Variants in PTPRE observed in about 807,000 individuals in gnomAD.
PTPRE encodes the protein protein tyrosine phosphatase receptor type E.
A neutral mutation model predicts 102.0 loss-of-function variants in PTPRE; 51 were observed. The observed-to-expected ratio is 0.50, with a 90% CI of 0.40 to 0.63. PTPRE has a LOEUF of 0.63. Ranked by LOEUF, PTPRE falls within the 30% of genes least tolerant of loss-of-function variation. The pLI, the probability that PTPRE is intolerant of heterozygous loss-of-function variation, is 0.00. For missense variants in PTPRE, 752 were observed against 915.1 expected (o/e 0.82, Z 2.30); for synonymous variants, 345 against 348.2 (o/e 0.99, Z 0.10).
At chr10:127,916,097 G>T (rs548632632) in intron 1 of PTPRE, among the ~76,000 whole-genome samples, 45 of 152,250 alleles carry the variant, frequency 3.0e-4, no homozygotes, top group Non-Finnish European at 5.3e-4. Context: ...TGTGATGCTG[G>T]ATGCTCCTGT....
chr10:128,053,804 A>G (rs959473997), intron 6 of PTPRE, among the ~76,000 whole-genome samples: 40 of 152,146 alleles, frequency 2.6e-4, no homozygotes, highest in Non-Finnish European at 4.3e-4. Flanking sequence ...TCTGTCCCCC[A>G]GGCTGGAGTG....
intron 1 of PTPRE, among the ~76,000 whole-genome samples, chr10:127,952,241 C>A (rs1212185398): frequency 6.6e-6 from 1 of 152,118 alleles, no homozygotes; most frequent in Non-Finnish European, 1.5e-5. Context: ...AGACAAAGTG[C>A]CTTAAATCAG....
intron 1 of PTPRE, among the ~76,000 whole-genome samples, chr10:127,928,230 G>T (rs150607331): frequency 1.3e-5 from 2 of 152,090 alleles, no homozygotes. Flanking sequence ...CATCCAAACG[G>T]ACTTTAAAAT....
chr10:128,082,718 G>A, intron 20 of PTPRE, 114 bp from the exon 21 acceptor site: 2 of 1,217,062 alleles, frequency 1.6e-6, no homozygotes, highest in East Asian at 2.8e-5. Context: ...AAAGGTATAT[G>A]GTATTTTAAT....
intron 2 of PTPRE, among the ~76,000 whole-genome samples, chr10:128,001,744 T>C (rs1853920928): frequency 6.6e-6 from 1 of 152,132 alleles, no homozygotes; most frequent in African/African-American, 2.4e-5. Flanking sequence ...AGATAACGTA[T>C]GGGAAGGTTC....
chr10:128,070,007 CTCA>C lies in PTPRE; in HGVS notation c.1143+183_1143+185del. On this transcript the variant is annotated intron_variant, in intron 13 of 20. Transcript: ENST00000254667. This position sits in a 1 kb window ranked among gnomAD's most constrained non-coding sequence, Gnocchi z 4.8. ...GTGGGACCTCAGGGACTCCCTCGTC[CTCA>C]TCTTTCCCTCGTATCCTCATGTGAG... 1.1e-6 allele frequency: 1 copy of C among 880,242 alleles called. No homozygotes were observed. The highest frequency in any genetic ancestry group is 1.7e-5 in the South Asian group (1 of 59,714). The allele number at this position is 880,242 out of a possible 1,614,324, so 54.5% of individuals were successfully genotyped here.
Position 128,008,223 on chromosome 10 carries a change from G to A in PTPRE, c.-8+25927G>A, listed in dbSNP as rs114433080. 3.3e-3 allele frequency among the ~76,000 whole-genome samples: 501 copies of A among 151,208 alleles called. 5 individuals carry two copies. The highest frequency in any genetic ancestry group is 0.012 in the African/African-American group (475 of 41,172). On this transcript the variant is annotated intron_variant, in intron 2 of 20. Transcript: ENST00000254667. The surrounding 1 kb of genome is among the most constrained non-coding windows in gnomAD (Gnocchi z 4.0). ...CAGCCCCGCTGGCTCGTCCGCCCTCGCCTCCCTCCCTCCCTTTCACCCTCC... is the reference window on the plus strand; with the variant it reads ...CAGCCCCGCTGGCTCGTCCGCCCTCACCTCCCTCCCTCCCTTTCACCCTCC...
chr10:127,909,011 T>A (rs2135117032), intron 1 of PTPRE, among the ~76,000 whole-genome samples: 1 of 152,336 alleles, frequency 6.6e-6, no homozygotes, highest in African/African-American at 2.4e-5. Context: ...TTGGAGGCCC[T>A]GTGTGGACAC....
intron 2 of PTPRE, among the ~76,000 whole-genome samples, chr10:128,039,539 T>A (rs1012640705): frequency 2.6e-5 from 4 of 152,168 alleles, no homozygotes; most frequent in South Asian, 2.1e-4. Flanking sequence ...CTGGGCTAAT[T>A]GTTATAATAT....
At chr10:128,022,499 G>A (rs1177887491) in intron 2 of PTPRE, among the ~76,000 whole-genome samples, 2 of 152,198 alleles carry the variant, frequency 1.3e-5, no homozygotes, top group Admixed American at 1.3e-4. Flanking sequence ...CCTGCCCCGT[G>A]CTGACTCCCC....
intron 1 of PTPRE, among the ~76,000 whole-genome samples, chr10:127,946,138 G>A (rs1469562221): frequency 6.6e-6 from 1 of 152,182 alleles, no homozygotes; most frequent in African/African-American, 2.4e-5. Flanking sequence ...TGTCAGAGAA[G>A]CACCTGGGAG....
intron 1 of PTPRE, among the ~76,000 whole-genome samples, chr10:127,942,824 C>T (rs903655423): frequency 9.2e-5 from 14 of 152,162 alleles, no homozygotes; most frequent in African/African-American, 2.7e-4. Context: ...TGTAAATGCA[C>T]GTAATGCCCC....
At chr10:127,963,438 C>T (rs1849986249) in intron 1 of PTPRE, among the ~76,000 whole-genome samples, 1 of 152,216 alleles carries the variant, frequency 6.6e-6, no homozygotes, top group Non-Finnish European at 1.5e-5. Context: ...GATTAACTGG[C>T]TTCTGGGTGG....
At chr10:128,038,269 A>G (rs1847394812) in intron 2 of PTPRE, among the ~76,000 whole-genome samples, 2 of 152,182 alleles carry the variant, frequency 1.3e-5, no homozygotes, top group Admixed American at 1.3e-4. Context: ...AGGATCTAGA[A>G]CTAGAAATAC....
intron 1 of PTPRE, among the ~76,000 whole-genome samples, chr10:127,909,097 C>T (rs924170132): frequency 6.6e-6 from 1 of 152,204 alleles, no homozygotes; most frequent in Non-Finnish European, 1.5e-5. Context: ...GAGAGAGATG[C>T]GCTCCCTGTG....
intron 1 of PTPRE, among the ~76,000 whole-genome samples, chr10:127,967,317 A>G (rs1589855225): frequency 6.6e-6 from 1 of 152,188 alleles, no homozygotes; most frequent in Non-Finnish European, 1.5e-5. Flanking sequence ...CCCAAATCTC[A>G]TCTTGACTTG....
At chr10:127,958,404 G>C (rs1487269076) in intron 1 of PTPRE, among the ~76,000 whole-genome samples, 1 of 152,160 alleles carries the variant, frequency 6.6e-6, no homozygotes, top group Non-Finnish European at 1.5e-5. Flanking sequence ...TTCATCATGA[G>C]TCAGTTTTGA....
In PTPRE at chr10:128,046,066, G is replaced by A. The variant is rs940676569; in HGVS notation, c.110-1324G>A. 7.2e-5 allele frequency among the ~76,000 whole-genome samples: 11 copies of A among 152,300 alleles called. No homozygotes were observed. The East Asian group carries it at 1.9e-3, about 27-fold the overall frequency. ...CCTCTGTGAACTTCAACATCTAATGGTCACCCACGTCCCTAAAACTTCATC... is the reference window on the plus strand; with the variant it reads ...CCTCTGTGAACTTCAACATCTAATGATCACCCACGTCCCTAAAACTTCATC... On this transcript the variant is annotated intron_variant, in intron 3 of 20. Transcript: ENST00000254667.
chr10:127,932,690 A>G (rs138657744), intron 1 of PTPRE, among the ~76,000 whole-genome samples: 119 of 152,342 alleles, frequency 7.8e-4, no homozygotes, highest in Non-Finnish European at 1.3e-3. Flanking sequence ...CTCACGCAGC[A>G]GTGACAAAGT....
Sources: gnomAD v4.1 joint callset for allele counts (sites outside exome capture counted in the v4.1 genomes callset) on GRCh38, gnomAD v4.1.1 for gene constraint, Gnocchi (gnomAD v3.1) non-coding constraint, MANE v1.5 for transcripts, NCBI Gene and HGNC (gene_info 2026-07-23, HGNC 2026-07-21) for gene names.